CYYR1: variants seen among roughly 807,000 people sequenced by gnomAD.
The protein encoded by CYYR1 is cysteine and tyrosine rich 1.
Under a neutral mutation model 15.2 loss-of-function variants are expected in CYYR1, and 14 were observed. The observed-to-expected ratio is 0.92, with a 90% confidence interval of 0.61 to 1.44. The LOEUF (loss-of-function observed/expected upper bound fraction) is 1.44. CYYR1 is among the 40% of genes most tolerant of loss of function. The probability of loss-of-function intolerance (pLI) is 0.00; values close to 1 mark genes in which losing one functional copy is unlikely to be tolerated. For missense variants in CYYR1, 228 were observed against 209.5 expected, an observed-to-expected ratio of 1.09 and a Z score of -0.54; for synonymous variants, 80 against 77.4, an observed-to-expected ratio of 1.03 and a Z score of -0.18.
chr21:26,482,121 T>G (rs901852243), intron 2 of CYYR1: 2 of 246,610 alleles, frequency 8.1e-6, no homozygotes, highest in Non-Finnish European at 6.5e-6. Flanking sequence ...TCTTATACTA[T>G]TTGGGAATGC....
At chr21:26,500,941 T>G (rs2065473459) in intron 2 of CYYR1, among the ~76,000 whole-genome samples, 1 of 152,190 alleles carries the variant, frequency 6.6e-6, no homozygotes, top group Non-Finnish European at 1.5e-5. Context: ...TGTGTTTTGC[T>G]TATCTATTAA....
Position 26,468,499 on chromosome 21 carries a change from G to T in CYYR1, c.*2C>A. On this transcript the variant is annotated 3_prime_UTR_variant, in exon 4 of 4. Transcript: ENST00000652641. ...GGCACATGTTCTGTTCTGGGAGATA[G>T]ATTATTTCCTTGCGTTTCCAGGATA... The T allele has an allele frequency of 6.5e-7, 1 of 1,529,826 alleles. No individual in the cohort carries two copies. The highest frequency in any genetic ancestry group is 9.1e-7 in the Non-Finnish European group (1 of 1,103,094). The allele number at this position is 1,529,826 out of a possible 1,614,324, so 94.8% of individuals were successfully genotyped here.
chr21:26,556,976 G>A (rs1979835573), intron 2 of CYYR1, among the ~76,000 whole-genome samples: 1 of 152,154 alleles, frequency 6.6e-6, no homozygotes, highest in Non-Finnish European at 1.5e-5. Flanking sequence ...ATGGCATCTT[G>A]AAACCTTCTT....
chr21:26,470,339 AG>A (rs1329942618), intron 3 of CYYR1, among the ~76,000 whole-genome samples: 1 of 152,116 alleles, frequency 6.6e-6, no homozygotes, highest in East Asian at 1.9e-4. Context: ...ACTGATATGC[AG>A]AAAAAAACTA....
chr21:26,573,140 T>G lies in CYYR1; in HGVS notation c.-200A>C. ...CAGCGACTGCGGGACTCCGCGGAGCTGGGGCGCCCGTGGCCCGAGACGGGC... is the reference window on the plus strand; with the variant it reads ...CAGCGACTGCGGGACTCCGCGGAGCGGGGGCGCCCGTGGCCCGAGACGGGC... On this transcript the variant is annotated 5_prime_UTR_variant, in exon 1 of 4. Transcript: ENST00000652641. 6.7e-7 allele frequency: 1 copy of G among 1,495,206 alleles called. No homozygotes were observed. Among genetic ancestry groups the G allele is most frequent in the Non-Finnish European group, 8.9e-7 (1 of 1,127,046 alleles). The allele number at this position is 1,495,206 out of a possible 1,614,324, so 92.6% of individuals were successfully genotyped here.
intron 2 of CYYR1, among the ~76,000 whole-genome samples, chr21:26,522,435 A>AT (rs1254091686): frequency 1.3e-5 from 2 of 152,214 alleles, no homozygotes; most frequent in Admixed American, 1.3e-4. Flanking sequence ...CAAAGATGGT[A>AT]TTTTTAAGGG....
chr21:26,527,298 C>T (rs755125850), intron 2 of CYYR1, among the ~76,000 whole-genome samples: 14 of 152,244 alleles, frequency 9.2e-5, no homozygotes, highest in Admixed American at 2.0e-4. Flanking sequence ...TGGAATTAAC[C>T]AGGCATAATT....
intron 2 of CYYR1, among the ~76,000 whole-genome samples, chr21:26,497,281 T>C (rs2830259): frequency 0.23 from 35,199 of 152,000 alleles, 4,232 homozygotes; most frequent in African/African-American, 0.26. Context: ...TTTATAGAAA[T>C]AGTTTTGGAT....
intron 2 of CYYR1, among the ~76,000 whole-genome samples, chr21:26,532,714 A>AGTAT (rs1208459041): frequency 2.0e-5 from 3 of 152,130 alleles, no homozygotes; most frequent in Non-Finnish European, 4.4e-5. Flanking sequence ...TTTTCAACTA[A>AGTAT]GTACTTATGT....
chr21:26,573,074 G>C lies in CYYR1; in HGVS notation c.-134C>G, dbSNP rs936222096. 1.3e-6 allele frequency: 2 copies of C among 1,553,944 alleles called. No individual in the cohort carries two copies. Among genetic ancestry groups the C allele is most frequent in the African/African-American group, 2.7e-5 (2 of 73,192 alleles). On this transcript the variant is annotated 5_prime_UTR_variant, in exon 1 of 4. Coordinates refer to ENST00000652641, the MANE Select transcript of CYYR1 (RefSeq NM_001320768.2). ...GGAGCAGAGACCCGGCCATTGCCTAGGGAGCCTTCCAAGGGAGCCCGGGCC... is the reference window on the plus strand; with the variant it reads ...GGAGCAGAGACCCGGCCATTGCCTACGGAGCCTTCCAAGGGAGCCCGGGCC...
At chr21:26,530,511 G>A (rs571700115) in intron 2 of CYYR1, among the ~76,000 whole-genome samples, 11 of 151,820 alleles carry the variant, frequency 7.2e-5, no homozygotes, top group African/African-American at 2.4e-4. Context: ...TGTGCAGAAC[G>A]TGCAGGTTTG....
chr21:26,519,502 A>G (rs2065775247), intron 2 of CYYR1, among the ~76,000 whole-genome samples: 1 of 152,150 alleles, frequency 6.6e-6, no homozygotes, highest in African/African-American at 2.4e-5. Flanking sequence ...TGCATATGGG[A>G]AAAATGGCAG....
chr21:26,553,173 C>A (rs1398366338), intron 2 of CYYR1, among the ~76,000 whole-genome samples: 1 of 152,088 alleles, frequency 6.6e-6, no homozygotes, highest in Admixed American at 6.6e-5. Context: ...ATGCCACTTT[C>A]CTGGCCTCTA....
chr21:26,497,280 ATAGTT>A (rs1223663747), intron 2 of CYYR1, among the ~76,000 whole-genome samples: 2 of 152,188 alleles, frequency 1.3e-5, no homozygotes, highest in African/African-American at 4.8e-5. Flanking sequence ...TTTTATAGAA[ATAGTT>A]TTGGATTATG....
intron 2 of CYYR1, among the ~76,000 whole-genome samples, chr21:26,514,080 A>G (rs527605202): frequency 4.0e-5 from 6 of 151,638 alleles, no homozygotes; most frequent in Admixed American, 6.6e-5. Context: ...AAAAAAAACC[A>G]TGCCCAAGGT....
rs553317321 is a variant in CYYR1 at position 26,572,816 on chromosome 21, C to T, written c.73+52G>A. 8.7e-6 allele frequency: 14 copies of T among 1,604,986 alleles called. No homozygotes were observed. The South Asian group carries it at 1.6e-4, about 18-fold the overall frequency. ...CAACCCACGTTAGCCCGGACCGTGA[C>T]CCAAGGGCAGCCCCGAGCCTCTGAC... is the stretch of plus-strand genomic sequence containing the variant. On this transcript the variant is annotated intron_variant, in intron 1 of 3. Transcript: ENST00000652641.
intron 2 of CYYR1, among the ~76,000 whole-genome samples, chr21:26,547,875 T>C (rs906862492): frequency 1.3e-5 from 2 of 151,888 alleles, no homozygotes; most frequent in Non-Finnish European, 2.9e-5. Context: ...TTCCCTGATT[T>C]ACCCATCATG....
chr21:26,544,326 G>A (rs991655197), intron 2 of CYYR1, among the ~76,000 whole-genome samples: 2 of 152,124 alleles, frequency 1.3e-5, no homozygotes, highest in Non-Finnish European at 2.9e-5. Context: ...AATGCAGAGC[G>A]CTTAGAAAAC....
chr21:26,501,077 C>T (rs1601758915), intron 2 of CYYR1, among the ~76,000 whole-genome samples: 2 of 152,210 alleles, frequency 1.3e-5, no homozygotes, highest in African/African-American at 2.4e-5. Flanking sequence ...CAGTGACTTA[C>T]GCCTGTAATC....
Sources: gnomAD v4.1 joint callset for allele counts (sites outside exome capture counted in the v4.1 genomes callset) on GRCh38, gnomAD v4.1.1 for gene constraint, MANE v1.5 for transcripts, NCBI Gene and HGNC (gene_info 2026-07-23, HGNC 2026-07-21) for gene names.